UBR3: variants seen among roughly 807,000 people sequenced by gnomAD.
UBR3 encodes E3 ubiquitin-protein ligase UBR3.
UBR3 carries 85 observed loss-of-function variants against 243.2 expected under a neutral mutation model. That is an observed-to-expected ratio of 0.35 (90% CI 0.29 to 0.42). The LOEUF (loss-of-function observed/expected upper bound fraction) is 0.42, where lower values mean the gene tolerates loss of function less well. Among genes scored for constraint, UBR3 ranks in the 10% least tolerant of loss-of-function variants. The pLI, the probability that UBR3 is intolerant of heterozygous loss-of-function variation, is 1.00. For missense variants in UBR3, 1,686 were observed against 2,300.8 expected (o/e 0.73, Z 5.47); for synonymous variants, 748 against 799.8 (o/e 0.94, Z 1.09).
intron 27 of UBR3, among the ~76,000 whole-genome samples, chr2:170,001,912 CAAAAAAAAAAAAAAAAA>C (rs71006062): frequency 1.6e-4 from 11 of 67,510 alleles, no homozygotes; most frequent in Admixed American, 4.5e-4. Flanking sequence ...GACTCCATCT[CAAAAAAAAAAAAAAAAA>C]AAAAAAAAAA....
intron 33 of UBR3, among the ~76,000 whole-genome samples, 174 bp from the exon 34 acceptor site, chr2:170,060,905 A>G (rs1334490061): frequency 1.3e-5 from 2 of 152,174 alleles, no homozygotes; most frequent in Non-Finnish European, 2.9e-5. Flanking sequence ...CCAACTACCC[A>G]GTTTCATTGT....
intron 32 of UBR3, among the ~76,000 whole-genome samples, chr2:170,049,298 T>A (rs1215002050): frequency 2.0e-5 from 3 of 152,196 alleles, no homozygotes; most frequent in Non-Finnish European, 4.4e-5. Context: ...ATATTTACTA[T>A]TCATTAAGTG....
intron 27 of UBR3, among the ~76,000 whole-genome samples, chr2:170,003,693 T>A (rs1009122758): frequency 1.3e-5 from 2 of 151,950 alleles, no homozygotes; most frequent in East Asian, 3.9e-4. Flanking sequence ...CAGGCTGGAG[T>A]GCAGTGGCGC....
chr2:169,836,777 C>A (rs945041084), intron 1 of UBR3, among the ~76,000 whole-genome samples: 13 of 151,806 alleles, frequency 8.6e-5, no homozygotes, highest in African/African-American at 3.1e-4. Context: ...TGTTTTGGGG[C>A]CATTTGGGCT....
chr2:169,978,466 G>C lies in UBR3; in HGVS notation c.3635-8179G>C, dbSNP rs529198219. ...TTGGGTTGTTTACCCCGGGGGAACA[G>C]GTCACATCTTGCCTCTGGGGAAGAA... On this transcript the variant is annotated intron_variant, in intron 24 of 38. Transcript: ENST00000272793. 7.2e-5 allele frequency among the ~76,000 whole-genome samples: 11 copies of C among 152,220 alleles called. No individual in the cohort carries two copies. The South Asian group carries it at 2.3e-3, about 32-fold the overall frequency.
chr2:169,969,005 T>C (rs1457365857), intron 24 of UBR3, among the ~76,000 whole-genome samples: 2 of 152,212 alleles, frequency 1.3e-5, no homozygotes, highest in Non-Finnish European at 2.9e-5. Context: ...TTTTGAGAAA[T>C]GACTTATCAG....
chr2:170,032,045 T>C (rs2090686548), intron 31 of UBR3, among the ~76,000 whole-genome samples: 2 of 152,104 alleles, frequency 1.3e-5, no homozygotes, highest in African/African-American at 4.8e-5. Flanking sequence ...TACCCAGTAA[T>C]GGGATGCTGG....
chr2:169,838,564 C>T (rs1156803199), intron 1 of UBR3, among the ~76,000 whole-genome samples: 3 of 152,064 alleles, frequency 2.0e-5, no homozygotes, highest in Non-Finnish European at 2.9e-5. Context: ...TTAATCACAT[C>T]CCCAAAGGCT....
chr2:169,827,765 CGAG>C lies in UBR3; in HGVS notation c.266_268del (p.Glu89del). ...GAGGCGGGGGCGGTCCGGGGGCGGC[CGAG>C]GAGGAGGCCCTGGAGTGGTGTAAGT... On this transcript the variant is annotated inframe_deletion, in exon 1 of 39. Transcript: ENST00000272793. The C allele has an allele frequency of 1.5e-6, 2 of 1,310,790 alleles. No individual in the cohort carries two copies. Among genetic ancestry groups the C allele is most frequent in the Non-Finnish European group, 2.0e-6 (2 of 1,025,484 alleles). 81.2% of individuals were successfully genotyped at this position (1,310,790 alleles called of 1,614,324 possible).
At chr2:169,850,807 C>G (rs1479137600) in intron 1 of UBR3, among the ~76,000 whole-genome samples, 1 of 151,048 alleles carries the variant, frequency 6.6e-6, no homozygotes, top group East Asian at 1.9e-4. Context: ...TTGCGCCACT[C>G]CACTCCAGCC....
At chr2:170,051,133 AT>A (rs920096738) in intron 32 of UBR3, among the ~76,000 whole-genome samples, 8 of 149,306 alleles carry the variant, frequency 5.4e-5, no homozygotes, top group African/African-American at 2.0e-4. Context: ...ACAACCATCT[AT>A]TTTTTTTTTC....
chr2:170,077,151 T>C, intron 36 of UBR3: 1 of 571,638 alleles, frequency 1.7e-6, no homozygotes, highest in Non-Finnish European at 3.4e-6. Flanking sequence ...TTTGGTAGTA[T>C]TCAGAAACAT....
chr2:170,064,463 AT>A (rs2091513572), intron 35 of UBR3, among the ~76,000 whole-genome samples: 1 of 151,856 alleles, frequency 6.6e-6, no homozygotes, highest in Non-Finnish European at 1.5e-5. Flanking sequence ...TTTATTTTGT[AT>A]TTTCTTCTAT....
chr2:170,071,358 T>G, intron 35 of UBR3, among the ~76,000 whole-genome samples: 1 of 152,160 alleles, frequency 6.6e-6, no homozygotes, highest in East Asian at 1.9e-4. Context: ...ATAACATGAA[T>G]GAGTCTCAAA....
chr2:169,986,420 A>G (rs1227694124), intron 24 of UBR3, among the ~76,000 whole-genome samples: 1 of 152,222 alleles, frequency 6.6e-6, no homozygotes, highest in Non-Finnish European at 1.5e-5. Context: ...TTAGAAGTGT[A>G]TTTAACCATA....
intron 17 of UBR3, among the ~76,000 whole-genome samples, chr2:169,928,507 A>G (rs1347804008): frequency 1.3e-5 from 2 of 152,152 alleles, no homozygotes; most frequent in Non-Finnish European, 2.9e-5. Context: ...GCAGCATACA[A>G]TTTATTAGTA....
intron 30 of UBR3, among the ~76,000 whole-genome samples, chr2:170,024,880 G>C (rs2090487505): frequency 6.6e-6 from 1 of 152,172 alleles, no homozygotes; most frequent in South Asian, 2.1e-4. Context: ...TCCCAGGTGA[G>C]TTGTCGCATG....
chr2:170,021,572 G>A (rs1178161213), intron 30 of UBR3, among the ~76,000 whole-genome samples: 1 of 152,078 alleles, frequency 6.6e-6, no homozygotes, highest in Non-Finnish European at 1.5e-5. Flanking sequence ...TACTAACCTT[G>A]GGGTTAGGAC....
chr2:169,993,024 G>A (rs1221214216), intron 25 of UBR3, among the ~76,000 whole-genome samples: 3 of 152,158 alleles, frequency 2.0e-5, no homozygotes, highest in African/African-American at 7.2e-5. Context: ...GCCTCCCAAA[G>A]TGCTGGGTTT....
Sources: allele counts gnomAD v4.1 joint callset (sites outside exome capture counted in the v4.1 genomes callset), GRCh38; gene constraint gnomAD v4.1.1; transcripts MANE v1.5; gene names NCBI Gene and HGNC (gene_info 2026-07-23, HGNC 2026-07-21).